The following PITPNM2 variants were observed in gnomAD, a reference collection of about 807,000 sequenced individuals.
PITPNM2 encodes the protein membrane-associated phosphatidylinositol transfer protein 2.
Under a neutral mutation model 132.2 loss-of-function variants are expected in PITPNM2, and 35 were observed. That is an observed-to-expected ratio of 0.26 (90% CI 0.20 to 0.35). PITPNM2 has a LOEUF of 0.35. PITPNM2 is among the 10% of genes least tolerant of loss of function. PITPNM2 has a pLI of 1.00. For missense variants in PITPNM2, 1,332 were observed against 1,912.0 expected (o/e 0.70, Z 5.66); for synonymous variants, 738 against 799.2 (o/e 0.92, Z 1.29).
At chr12:123,018,283 TTTTTC>T (rs901067279) in intron 3 of PITPNM2, among the ~76,000 whole-genome samples, 2 of 128,428 alleles carry the variant, frequency 1.6e-5, no homozygotes, top group African/African-American at 5.1e-5. Flanking sequence ...TTTCTTTTCT[TTTTTC>T]TTTTCTTTTT....
At chr12:123,049,137 A>AACACAC (rs35784732) in intron 2 of PITPNM2, among the ~76,000 whole-genome samples, 26 of 146,858 alleles carry the variant, frequency 1.8e-4, no homozygotes, top group South Asian at 4.4e-4. Flanking sequence ...CTGTCTCTAA[A>AACACAC]ACACACACAC....
chr12:122,995,481 A>C lies in PITPNM2; in HGVS notation c.1962T>G (p.Thr654=), dbSNP rs1161745014. ...GGGGCAGTTGCCTTTTGGGGTCCTC[A>C]GTGCCGTTGCTGCGGGGGATGTCGA... ...SNVDIPRSNG[T]EDPKRQLPRK... Residue 654 remains threonine, a synonymous_variant, in exon 14 of 26, where the codon ACT becomes ACG. Transcript: ENST00000320201. The C allele has an allele frequency of 1.2e-6, 2 of 1,613,942 alleles. No homozygotes were observed. The highest frequency in any genetic ancestry group is 3.3e-5 in the Admixed American group (2 of 60,016).
chr12:123,076,918 TTGCCTGC>T (rs2041808007), intron 2 of PITPNM2, among the ~76,000 whole-genome samples: 1 of 152,120 alleles, frequency 6.6e-6, no homozygotes, highest in Admixed American at 6.5e-5. Context: ...CTTTTTTCCA[TTGCCTGC>T]TGCACAGGAA....
rs769886184 is a variant in PITPNM2 at position 123,078,192 on chromosome 12, T to C, written c.-96+32193A>G. Among the ~76,000 whole-genome samples, 19 of 152,144 alleles carry C rather than the reference T, an allele frequency of 1.2e-4. No homozygotes were observed. The highest frequency in any genetic ancestry group is 2.8e-4 in the Non-Finnish European group (19 of 68,022). ...GTTGCCATGGAGAAAGGGGAGCCGC[T>C]GGCAGAGCCCAAGGCGGGCGGAGGA... is the stretch of plus-strand genomic sequence containing the variant. On this transcript the variant is annotated intron_variant, in intron 2 of 25. Coordinates refer to ENST00000320201, the MANE Select transcript of PITPNM2 (RefSeq NM_020845.3). This position sits in a 1 kb window ranked among gnomAD's most constrained non-coding sequence, Gnocchi z 7.3.
At position 123,150,897 on chromosome 12, in the gene PITPNM2, G is replaced by A. The variant is rs2043729250; in HGVS notation, c.-344C>T. The stretch of plus-strand genomic sequence containing the variant: ...CGCGCCCCCGCCGCCTGCTGGCCCC[G>A]GGCGAGCGGCAGAGCCCCGGCGGGC... On this transcript the variant is annotated 5_prime_UTR_variant, in exon 1 of 26. Coordinates refer to ENST00000320201, the MANE Select transcript of PITPNM2 (RefSeq NM_020845.3). The surrounding 1 kb of genome is among the most constrained non-coding windows in gnomAD (Gnocchi z 6.0). Among the ~76,000 whole-genome samples, 2 of 145,830 alleles carry A rather than the reference G, an allele frequency of 1.4e-5. No homozygotes were observed. Among genetic ancestry groups the A allele is most frequent in the African/African-American group, 4.9e-5 (2 of 40,702 alleles).
rs1414271326 is a variant in PITPNM2, at chr12:123,111,989, AC to A, written c.-199-1502del. Reference sequence around the variant, plus strand: ...ATCAATGGCGAGCCAGATTTGGTAGACCAGCCCCGCTCCAGCCCACCACAAT... The same window carrying A: ...ATCAATGGCGAGCCAGATTTGGTAGACAGCCCCGCTCCAGCCCACCACAAT... On this transcript the variant is annotated intron_variant, in intron 1 of 25. Transcript: ENST00000320201. The surrounding 1 kb of genome is among the most constrained non-coding windows in gnomAD (Gnocchi z 4.1). Among the ~76,000 whole-genome samples the A allele has an allele frequency of 6.6e-6, 1 of 151,952 alleles. No individual in the cohort carries two copies. Among genetic ancestry groups the A allele is most frequent in the Non-Finnish European group, 1.5e-5 (1 of 67,990 alleles).
intron 3 of PITPNM2, 143 bp from the exon 4 acceptor site, chr12:123,014,185 G>C: frequency 1.2e-6 from 1 of 821,294 alleles, no homozygotes; most frequent in Non-Finnish European, 1.9e-6. Flanking sequence ...GTCACTTCCA[G>C]GCCCCCAAAT....
rs1037318928 is a variant in PITPNM2, at chr12:122,984,098, T to G, written c.*1929A>C. On this transcript the variant is annotated 3_prime_UTR_variant, in exon 26 of 26. Transcript: ENST00000320201. Reference sequence around the variant, plus strand: ...GGCCGCTGGGAGAGCCCCAGGGGACTATTGCTGTTGTCCTTGGCATGGCTG... The same window carrying G: ...GGCCGCTGGGAGAGCCCCAGGGGACGATTGCTGTTGTCCTTGGCATGGCTG... The G allele has an allele frequency of 6.5e-6, 1 of 152,848 alleles. No individual in the cohort carries two copies. The highest frequency in any genetic ancestry group is 1.5e-5 in the Non-Finnish European group (1 of 68,204). The allele number at this position is 152,848 out of a possible 1,614,324, so 9.5% of individuals were successfully genotyped here.
At chr12:123,103,857 T>C (rs1051488459) in intron 2 of PITPNM2, among the ~76,000 whole-genome samples, 3 of 152,178 alleles carry the variant, frequency 2.0e-5, no homozygotes, top group African/African-American at 7.2e-5. Flanking sequence ...ACCCAATGCC[T>C]CAGAATTCCT....
In PITPNM2 at chr12:123,105,005, G is replaced by A. The variant is rs558630492; in HGVS notation, c.-96+5380C>T. On this transcript the variant is annotated intron_variant, in intron 2 of 25. Transcript: ENST00000320201. ...ACAGCCTGCAAAGCCCTGATCTAAC[G>A]GGGCCCTCAATATTCTCTGACCTCC... is the stretch of plus-strand genomic sequence containing the variant. 8.5e-5 allele frequency among the ~76,000 whole-genome samples: 13 copies of A among 152,146 alleles called. 1 individual carries two copies. The highest frequency in any genetic ancestry group is 8.3e-4 in the South Asian group (4 of 4,818).
rs926225358 is a variant in PITPNM2, at chr12:122,994,992, A to G, written c.2055-13T>C. ...GCTGGCATGGAGGCTGCAGACCCAA[A>G]TAAGACTTAGCTGTCATGTGGGTGC... On this transcript the variant is annotated splice_polypyrimidine_tract_variant and intron_variant, in intron 14 of 25. Coordinates refer to ENST00000320201, the MANE Select transcript of PITPNM2 (RefSeq NM_020845.3). This position sits in a 1 kb window ranked among gnomAD's most constrained non-coding sequence, Gnocchi z 5.4. 8.8e-6 allele frequency: 14 copies of G among 1,590,726 alleles called. No individual in the cohort carries two copies. The highest frequency in any genetic ancestry group is 1.3e-5 in the African/African-American group (1 of 74,538).
chr12:123,125,871 T>TG (rs2043128845), intron 1 of PITPNM2, among the ~76,000 whole-genome samples: 1 of 96,024 alleles, frequency 1.0e-5, no homozygotes, highest in Non-Finnish European at 2.3e-5. Context: ...AGGGTTTTTT[T>TG]TTTTTTTTTT....
At chr12:123,071,335 C>G (rs2041615651) in intron 2 of PITPNM2, among the ~76,000 whole-genome samples, 1 of 152,250 alleles carries the variant, frequency 6.6e-6, no homozygotes, top group African/African-American at 2.4e-5. Context: ...AAATATGGAG[C>G]TGCTCATCTT....
intron 3 of PITPNM2, among the ~76,000 whole-genome samples, chr12:123,018,290 TTTC>T (rs1242349172): frequency 1.9e-5 from 2 of 104,204 alleles, no homozygotes; most frequent in Non-Finnish European, 4.4e-5. Context: ...TCTTTTTTCT[TTTC>T]TTTTTTTTTT....
In PITPNM2 at chr12:123,009,980, G is replaced by A. The variant is rs369464703; in HGVS notation, c.513C>T (p.Pro171=). Residue 171 remains proline (P), a synonymous_variant, in exon 6 of 26, where the codon CCC becomes CCT. Coordinates refer to ENST00000320201, the MANE Select transcript of PITPNM2 (RefSeq NM_020845.3). The surrounding 1 kb of genome is among the most constrained non-coding windows in gnomAD (Gnocchi z 4.8). ...ACTCCTCGATCCAGTTCTCGGACAG[G>A]GGCCCCCGCTGGGTCTTGGTTGACT... ...LFQSTKTQRG[P]LSENWIEEYK... 108 of 1,614,066 alleles carry A rather than the reference G, an allele frequency of 6.7e-5. No homozygotes were observed. The highest frequency in any genetic ancestry group is 3.3e-4 in the Middle Eastern group (2 of 6,084).
Position 122,992,971 on chromosome 12 carries a change from G to C in PITPNM2, c.2234-302C>G, listed in dbSNP as rs938831046. ...CTCCTGAGTAGCTGGGACCACAGGT[G>C]TGCACCACCACACCTGGCTTTTTTA... On this transcript the variant is annotated intron_variant, in intron 15 of 25. Transcript: ENST00000320201. This position sits in a 1 kb window ranked among gnomAD's most constrained non-coding sequence, Gnocchi z 6.5. Among the ~76,000 whole-genome samples, 4 of 152,038 alleles carry C rather than the reference G, an allele frequency of 2.6e-5. No homozygotes were observed. The highest frequency in any genetic ancestry group is 5.9e-5 in the Non-Finnish European group (4 of 68,008).
chr12:123,074,112 G>A (rs2041703248), intron 2 of PITPNM2, among the ~76,000 whole-genome samples: 1 of 152,226 alleles, frequency 6.6e-6, no homozygotes, highest in African/African-American at 2.4e-5. Flanking sequence ...AAGAGCCAAG[G>A]ATCCAAGTTC....
chr12:123,075,047 G>A (rs560404056), intron 2 of PITPNM2, among the ~76,000 whole-genome samples: 5 of 152,356 alleles, frequency 3.3e-5, no homozygotes, highest in East Asian at 1.9e-4. Flanking sequence ...TTGTGTGTGC[G>A]TGCATGTGGG....
rs2042515456 is a variant in PITPNM2, at chr12:123,099,934, C to T, written c.-96+10451G>A. On this transcript the variant is annotated intron_variant, in intron 2 of 25. Coordinates refer to ENST00000320201, the MANE Select transcript of PITPNM2 (RefSeq NM_020845.3). This position sits in a 1 kb window ranked among gnomAD's most constrained non-coding sequence, Gnocchi z 4.2. Reference sequence around the variant, plus strand: ...AGCTCTACATCCACAGAAAACACCACTAACAGAGCACCCAGGTGTGCAGGC... The same window carrying T: ...AGCTCTACATCCACAGAAAACACCATTAACAGAGCACCCAGGTGTGCAGGC... Among the ~76,000 whole-genome samples, 1 of 152,304 alleles carries T rather than the reference C, an allele frequency of 6.6e-6. No homozygotes were observed. Among genetic ancestry groups the T allele is most frequent in the East Asian group, 1.9e-4 (1 of 5,174 alleles).
Sources: allele counts gnomAD v4.1 joint callset (sites outside exome capture counted in the v4.1 genomes callset), GRCh38; gene constraint gnomAD v4.1.1; non-coding constraint Gnocchi (gnomAD v3.1); transcripts MANE v1.5; gene names NCBI Gene and HGNC (gene_info 2026-07-23, HGNC 2026-07-21).